The following CHEK1 variants were observed in gnomAD, a reference collection of about 807,000 sequenced individuals.
CHEK1 encodes checkpoint kinase 1.
In CHEK1, 32 loss-of-function variants were observed where a neutral mutation model predicts 60.2. The observed-to-expected ratio is 0.53, with a 90% CI of 0.40 to 0.71. The LOEUF (loss-of-function observed/expected upper bound fraction) is 0.71. Ranked by LOEUF, CHEK1 falls within the 30% of genes least tolerant of loss-of-function variation. CHEK1 has a pLI of 0.00. For missense variants in CHEK1, 399 were observed against 564.6 expected (o/e 0.71, Z 2.97); for synonymous variants, 179 against 187.2 (o/e 0.96, Z 0.36).
intron 11 of CHEK1, 111 bp downstream of exon 11, chr11:125,644,754 A>G (rs1941437009): frequency 1.6e-6 from 2 of 1,245,578 alleles, no homozygotes; most frequent in Admixed American, 5.1e-5. Context: ...CACACCTGTA[A>G]TCCCAGCTTT....
intron 5 of CHEK1, among the ~76,000 whole-genome samples, chr11:125,632,487 T>C (rs763339835): frequency 6.6e-6 from 1 of 152,222 alleles, no homozygotes; most frequent in Non-Finnish European, 1.5e-5. Context: ...CAGTCTTCAC[T>C]AATTTATCTA....
chr11:125,678,355 T>A, downstream of CHEK1: 1 of 1,570,150 alleles, frequency 6.4e-7, no homozygotes, highest in Non-Finnish European at 8.6e-7. Context: ...GGATAAAGAC[T>A]ATCTTCCTAT....
intron 13 of CHEK1, among the ~76,000 whole-genome samples, chr11:125,667,781 C>T (rs1298936041): frequency 3.9e-5 from 6 of 152,102 alleles, no homozygotes; most frequent in Non-Finnish European, 7.4e-5. Flanking sequence ...CCACCACGCC[C>T]GGCTAATTTT....
rs1399750655 is a variant in CHEK1, at chr11:125,625,775, C to T, written c.-258C>T. 1 of 694,428 alleles carries T rather than the reference C, an allele frequency of 1.4e-6. No homozygotes were observed. Among genetic ancestry groups the T allele is most frequent in the Non-Finnish European group, 2.6e-6 (1 of 378,404 alleles). 43.0% of individuals were successfully genotyped at this position (694,428 alleles called of 1,614,324 possible). Reference sequence around the variant, plus strand: ...AATTCGCGCCGATGCGGTCCGCCGTCCTTAAATCTCTTCAGCCAGGATCTC... The same window carrying T: ...AATTCGCGCCGATGCGGTCCGCCGTTCTTAAATCTCTTCAGCCAGGATCTC... On this transcript the variant is annotated 5_prime_UTR_variant, in exon 1 of 13. Coordinates refer to ENST00000438015, the MANE Select transcript of CHEK1 (RefSeq NM_001114122.3).
At chr11:125,633,389 A>C (rs1309482034) in intron 6 of CHEK1, 38 bp downstream of exon 6, 2 of 1,435,444 alleles carry the variant, frequency 1.4e-6, no homozygotes, top group African/African-American at 2.9e-5. Context: ...TCCTATAAAA[A>C]GTCAGATTAG....
At chr11:125,632,315 G>A (rs549508800) in intron 5 of CHEK1, among the ~76,000 whole-genome samples, 3 of 152,272 alleles carry the variant, frequency 2.0e-5, no homozygotes, top group African/African-American at 7.2e-5. Context: ...AGTGGGAATT[G>A]CTAGTTCAAA....
At chr11:125,641,309 G>A (rs552682305) in intron 8 of CHEK1, among the ~76,000 whole-genome samples, 9 of 151,872 alleles carry the variant, frequency 5.9e-5, no homozygotes, top group African/African-American at 1.2e-4. Context: ...CTCACTGGTC[G>A]CTCTTTTCAG....
intron 13 of CHEK1, among the ~76,000 whole-genome samples, chr11:125,674,340 G>A (rs1942376939): frequency 6.6e-6 from 1 of 152,180 alleles, no homozygotes; most frequent in East Asian, 1.9e-4. Context: ...ATAGTATCAA[G>A]GAAATTCTTA....
Position 125,625,831 on chromosome 11 carries a change from G to A in CHEK1, c.-202G>A. 1.4e-6 allele frequency: 1 copy of A among 702,634 alleles called. No individual in the cohort carries two copies. Among genetic ancestry groups the A allele is most frequent in the Middle Eastern group, 2.3e-4 (1 of 4,370 alleles). 43.5% of individuals were successfully genotyped at this position (702,634 alleles called of 1,614,324 possible). ...GACTGCAAAGCAGCCCTGGGCGGGAGCGGCAACATCTCCACGTCACCCTTT... is the reference window on the plus strand; with the variant it reads ...GACTGCAAAGCAGCCCTGGGCGGGAACGGCAACATCTCCACGTCACCCTTT... On this transcript the variant is annotated 5_prime_UTR_variant, in exon 1 of 13. Transcript: ENST00000438015.
chr11:125,627,661 A>G lies in CHEK1; in HGVS notation c.120A>G (p.Val40=), dbSNP rs754190375. 25 of 1,613,840 alleles carry G rather than the reference A, an allele frequency of 1.5e-5. No individual in the cohort carries two copies. Among genetic ancestry groups the G allele is most frequent in the Non-Finnish European group, 2.1e-5 (25 of 1,179,926 alleles). Residue 40 remains valine (V), a synonymous_variant, in exon 3 of 13, where the codon GTA becomes GTG. Transcript: ENST00000438015. ...VTEEAVAVKI[V]DMKRAVDCPE... The stretch of plus-strand genomic sequence containing the variant: ...AAGAAGCAGTCGCAGTGAAGATTGT[A>G]GATATGAAGCGTGCCGTAGACTGTC...
chr11:125,646,403 T>C (rs751337175), intron 11 of CHEK1, among the ~76,000 whole-genome samples: 1 of 152,200 alleles, frequency 6.6e-6, no homozygotes, highest in Non-Finnish European at 1.5e-5. Flanking sequence ...TTTCTACTTT[T>C]TCATCATTAT....
chr11:125,676,446 T>C (rs763763338), downstream of CHEK1: 13 of 1,614,182 alleles, frequency 8.1e-6, no homozygotes, highest in Admixed American at 2.2e-4. Flanking sequence ...TGATCATTCA[T>C]ATAAGCACAT....
chr11:125,635,192 C>T (rs1374837434), intron 6 of CHEK1, among the ~76,000 whole-genome samples: 2 of 152,080 alleles, frequency 1.3e-5, no homozygotes, highest in Non-Finnish European at 2.9e-5. Context: ...CTCCTGGGCT[C>T]AAGCAGTCCT....
upstream of CHEK1, chr11:125,625,159 T>A (rs575727135): frequency 4.4e-6 from 1 of 225,490 alleles, no homozygotes; most frequent in East Asian, 6.4e-5. Context: ...GTTGTAAGAT[T>A]TATTTTGGCT....
At chr11:125,669,019 T>C (rs1285955491) in intron 13 of CHEK1, among the ~76,000 whole-genome samples, 1 of 152,182 alleles carries the variant, frequency 6.6e-6, no homozygotes, top group Admixed American at 6.5e-5. Flanking sequence ...CCTCATCCTT[T>C]GTGCTATTAT....
At chr11:125,633,411 TAAATG>T in intron 6 of CHEK1, 60 bp downstream of exon 6, 2 of 1,329,604 alleles carry the variant, frequency 1.5e-6, no homozygotes, top group East Asian at 2.7e-5. Flanking sequence ...TATACTGAAA[TAAATG>T]AAATAAACCA....
chr11:125,674,539 A>G (rs186593962), intron 13 of CHEK1, among the ~76,000 whole-genome samples: 59 of 152,350 alleles, frequency 3.9e-4, no homozygotes, highest in Admixed American at 8.5e-4. Context: ...GTGAAAAGAC[A>G]TGGGAGAGAT....
At chr11:125,657,186 C>CTT (rs796267349), downstream of CHEK1, 901 of 65,070 alleles carry the variant, frequency 0.014, 14 homozygotes, top group African/African-American at 0.062. Context: ...TCAACCTATG[C>CTT]TTGTGTGTGT....
At chr11:125,626,705 T>C in intron 1 of CHEK1, 44 bp from the exon 2 acceptor site, 1 of 1,586,466 alleles carries the variant, frequency 6.3e-7, no homozygotes, top group Non-Finnish European at 8.7e-7. Context: ...GCTTCACTGG[T>C]GATCTTACAC....
Sources: allele counts gnomAD v4.1 joint callset (sites outside exome capture counted in the v4.1 genomes callset), GRCh38; gene constraint gnomAD v4.1.1; transcripts MANE v1.5; gene names NCBI Gene and HGNC (gene_info 2026-07-23, HGNC 2026-07-21).